The following GPHN variants were observed in gnomAD, a reference collection of about 807,000 sequenced individuals.
The protein encoded by GPHN is gephyrin.
Under a neutral mutation model 95.5 loss-of-function variants are expected in GPHN, and 17 were observed. The ratio of observed to expected loss-of-function variants is 0.18; its 90% CI spans 0.12 to 0.27. The LOEUF (loss-of-function observed/expected upper bound fraction) is 0.27, where lower values mean the gene tolerates loss of function less well. Among genes scored for constraint, GPHN ranks in the 10% least tolerant of loss-of-function variants. GPHN has a pLI of 1.00. For missense variants in GPHN, 660 were observed against 978.1 expected (o/e 0.67, Z 4.34); for synonymous variants, 320 against 322.5 (o/e 0.99, Z 0.08).
the GPHN span, among the ~76,000 whole-genome samples, chr14:67,228,123 T>C: frequency 6.6e-6 from 1 of 151,694 alleles, no homozygotes; most frequent in East Asian, 1.9e-4. Flanking sequence ...TGAGCCGAGA[T>C]TGTGCCACTG....
At chr14:67,655,775 C>T in the GPHN span, among the ~76,000 whole-genome samples, 11 of 152,206 alleles carry the variant, frequency 7.2e-5, no homozygotes, top group Non-Finnish European at 1.3e-4. Context: ...TATTATTTCT[C>T]TTGCCAAAGA....
intron 6 of GPHN, among the ~76,000 whole-genome samples, chr14:66,918,499 T>G (rs2066027477): frequency 6.6e-6 from 1 of 152,166 alleles, no homozygotes; most frequent in Non-Finnish European, 1.5e-5. Context: ...GCAAAAAAAC[T>G]TATGTCAAAG....
the GPHN span, chr14:67,615,819 TCAAAAGAGAACA>T: frequency 1.7e-6 from 1 of 592,858 alleles, no homozygotes; most frequent in East Asian, 3.4e-5. Context: ...GGCCCAAAAG[TCAAAAGAGAACA>T]TTCTGGCCTG....
chr14:66,649,546 T>C (rs1042849152), intron 1 of GPHN, among the ~76,000 whole-genome samples: 3 of 152,170 alleles, frequency 2.0e-5, no homozygotes, highest in Admixed American at 6.5e-5. Context: ...TAGATTCTTA[T>C]TGGAGTGTGA....
At chr14:67,222,604 T>G in the GPHN span, among the ~76,000 whole-genome samples, 3 of 152,142 alleles carry the variant, frequency 2.0e-5, no homozygotes, top group African/African-American at 7.2e-5. Context: ...TATTTGGCAG[T>G]GGGGAGTGAT....
chr14:66,640,035 A>G (rs2064309955), intron 1 of GPHN, among the ~76,000 whole-genome samples: 1 of 152,188 alleles, frequency 6.6e-6, no homozygotes, highest in Non-Finnish European at 1.5e-5. Context: ...GGCATTTATA[A>G]TAAAGAAGCT....
At chr14:67,725,729 C>T in the GPHN span, among the ~76,000 whole-genome samples, 3 of 152,182 alleles carry the variant, frequency 2.0e-5, no homozygotes, top group Non-Finnish European at 4.4e-5. Context: ...GCACCTGGCT[C>T]AGAGTCGGTA....
At position 66,906,701 on chromosome 14, in the gene GPHN, C is replaced by T. The variant is rs143997416; in HGVS notation, c.390-9302C>T. 2.0e-5 allele frequency among the ~76,000 whole-genome samples: 3 copies of T among 152,236 alleles called. No individual in the cohort carries two copies. The East Asian group carries it at 5.8e-4, about 29-fold the overall frequency. On this transcript the variant is annotated intron_variant, in intron 5 of 22. Transcript: ENST00000478722. ...ACATTGCCATTTTGAAACCAGAAGT[C>T]TCTGGTTTCTTGAGATTTCCTCTTT... is the stretch of plus-strand genomic sequence containing the variant.
the GPHN span, among the ~76,000 whole-genome samples, chr14:67,234,920 C>G: frequency 6.7e-6 from 1 of 149,668 alleles, no homozygotes; most frequent in Non-Finnish European, 1.5e-5. Flanking sequence ...CTTTAGGAGG[C>G]TGAGATGGGT....
intron 2 of GPHN, among the ~76,000 whole-genome samples, chr14:66,700,057 T>C (rs1226464654): frequency 2.0e-5 from 3 of 152,198 alleles, no homozygotes; most frequent in Admixed American, 1.3e-4. Context: ...ACAATTAAAA[T>C]TGTGTGTCTT....
chr14:67,715,116 C>T, the GPHN span: 1 of 152,284 alleles, frequency 6.6e-6, no homozygotes, highest in East Asian at 1.9e-4. Flanking sequence ...GAAGTGCCAG[C>T]CTTCTCCACT....
the GPHN span, among the ~76,000 whole-genome samples, chr14:67,362,352 C>T: frequency 1.3e-5 from 2 of 151,742 alleles, no homozygotes; most frequent in Admixed American, 6.6e-5. Context: ...ATCATTAGTG[C>T]TTAGTACATA....
At chr14:67,198,245 T>G in the GPHN span, 2 of 1,613,926 alleles carry the variant, frequency 1.2e-6, no homozygotes, top group East Asian at 2.2e-5. Context: ...ATCCGAGAGA[T>G]CTTCAAAATA....
At chr14:67,691,193 G>A in the GPHN span, 58 of 1,613,834 alleles carry the variant, frequency 3.6e-5, no homozygotes, top group African/African-American at 5.7e-4. Context: ...CTTCGAGTAC[G>A]GACACATCAT....
the GPHN span, chr14:67,690,421 C>T: frequency 4.3e-6 from 7 of 1,613,758 alleles, no homozygotes; most frequent in African/African-American, 8.0e-5. Context: ...GAGGAAGTGA[C>T]CTGTTGAGAA....
At chr14:67,562,671 A>C in the GPHN span, 1 of 1,612,622 alleles carries the variant, frequency 6.2e-7, no homozygotes, top group Non-Finnish European at 8.5e-7. Flanking sequence ...CGTGTGGTGA[A>C]CATTGAGACT....
chr14:66,602,078 T>C (rs2062274483), intron 1 of GPHN, among the ~76,000 whole-genome samples: 1 of 151,982 alleles, frequency 6.6e-6, no homozygotes, highest in South Asian at 2.1e-4. Context: ...TTTTTTGCGT[T>C]TCTGATAACC....
chr14:67,556,718 T>C, the GPHN span, among the ~76,000 whole-genome samples: 5 of 152,206 alleles, frequency 3.3e-5, no homozygotes, highest in African/African-American at 7.2e-5. Context: ...CAAGATCTTA[T>C]CTGTTTTAAA....
intron 1 of GPHN, among the ~76,000 whole-genome samples, chr14:66,592,795 C>G (rs1056330590): frequency 6.6e-6 from 1 of 152,216 alleles, no homozygotes; most frequent in Non-Finnish European, 1.5e-5. Flanking sequence ...AGTCCCATTA[C>G]TGGGTATATA....
Sources: allele counts gnomAD v4.1 joint callset (sites outside exome capture counted in the v4.1 genomes callset), GRCh38; gene constraint gnomAD v4.1.1; transcripts MANE v1.5; gene names NCBI Gene and HGNC (gene_info 2026-07-23, HGNC 2026-07-21).